Variants in SPTLC3 observed in about 807,000 individuals in gnomAD.
The protein encoded by SPTLC3 is serine palmitoyltransferase 3.
SPTLC3 carries 36 observed loss-of-function variants against 59.3 expected under a neutral mutation model. The ratio of observed to expected loss-of-function variants is 0.61; its 90% CI spans 0.47 to 0.80. The LOEUF is 0.80. SPTLC3 is among the 30% of genes least tolerant of loss of function. The probability of loss-of-function intolerance (pLI) is 0.00; values close to 1 mark genes in which losing one functional copy is unlikely to be tolerated. For synonymous variants in SPTLC3, 257 were observed against 240.8 expected (o/e 1.07, Z -0.62); for missense variants, 625 against 685.1 (o/e 0.91, Z 0.98).
Position 13,099,997 on chromosome 20 carries a change from T to C in SPTLC3, c.826+6420T>C, listed in dbSNP as rs915831353. On this transcript the variant is annotated intron_variant, in intron 6 of 11. Transcript: ENST00000399002. ...ATGCAACTCTAAACTTGTTCTGCTC[T>C]CACAGACTGTCCTCTGCTTCATGTC... Among the ~76,000 whole-genome samples, 5 of 152,352 alleles carry C rather than the reference T, an allele frequency of 3.3e-5. No individual in the cohort carries two copies. In the South Asian group the frequency reaches 1.0e-3, roughly 32 times the overall value.
chr20:13,115,825 A>C (rs998689876), intron 7 of SPTLC3, among the ~76,000 whole-genome samples: 1 of 152,164 alleles, frequency 6.6e-6, no homozygotes, highest in African/African-American at 2.4e-5. Flanking sequence ...ATTGTTATAA[A>C]GACCCTGTGA....
At chr20:13,097,373 T>C (rs1488928906) in intron 6 of SPTLC3, among the ~76,000 whole-genome samples, 5 of 152,152 alleles carry the variant, frequency 3.3e-5, no homozygotes, top group African/African-American at 1.2e-4. Flanking sequence ...TACCATGCTG[T>C]TCCCCAGCTA....
At chr20:13,142,257 C>A (rs1451754632) in intron 9 of SPTLC3, among the ~76,000 whole-genome samples, 1 of 152,190 alleles carries the variant, frequency 6.6e-6, no homozygotes, top group Admixed American at 6.5e-5. Context: ...TCCTTCCAGC[C>A]GTCCCACAAA....
At chr20:13,020,387 C>T (rs369440953) in intron 1 of SPTLC3, among the ~76,000 whole-genome samples, 4 of 151,452 alleles carry the variant, frequency 2.6e-5, no homozygotes, top group South Asian at 2.1e-4. Flanking sequence ...ATTAGCTGGA[C>T]GTGGTGGCAT....
At chr20:13,089,649 G>T (rs1989140324) in intron 4 of SPTLC3, among the ~76,000 whole-genome samples, 1 of 152,032 alleles carries the variant, frequency 6.6e-6, no homozygotes, top group Non-Finnish European at 1.5e-5. Context: ...AGCTGGGCAT[G>T]GGGGCATGCA....
chr20:13,112,137 GTGGGTTGTGTGGACCAAC>G (rs1438986732), intron 7 of SPTLC3, among the ~76,000 whole-genome samples: 1 of 152,214 alleles, frequency 6.6e-6, no homozygotes, highest in African/African-American at 2.4e-5. Flanking sequence ...CCACGCTACC[GTGGGTTGTGTGGACCAAC>G]TGGGCAGTTC....
intron 9 of SPTLC3, among the ~76,000 whole-genome samples, chr20:13,149,607 C>T (rs2122933809): frequency 6.6e-6 from 1 of 152,342 alleles, no homozygotes; most frequent in African/African-American, 2.4e-5. Context: ...GCGTGGCAAC[C>T]ACAAAGTGTG....
At chr20:13,154,401 G>C (rs1162989136) in intron 10 of SPTLC3, among the ~76,000 whole-genome samples, 1 of 152,106 alleles carries the variant, frequency 6.6e-6, no homozygotes, top group Non-Finnish European at 1.5e-5. Context: ...ATCTCCCTCA[G>C]CCTCACCTGT....
intron 4 of SPTLC3, among the ~76,000 whole-genome samples, chr20:13,088,744 A>C (rs1030841649): frequency 2.7e-4 from 40 of 149,412 alleles, no homozygotes; most frequent in African/African-American, 9.1e-4. Flanking sequence ...TCAGCCTCCC[A>C]AGTAGATGGG....
intron 1 of SPTLC3, among the ~76,000 whole-genome samples, chr20:13,034,682 C>T (rs192355002): frequency 1.1e-4 from 17 of 152,004 alleles, no homozygotes; most frequent in South Asian, 2.1e-4. Context: ...TTTAACCCAA[C>T]GAGAAACTTT....
intron 1 of SPTLC3, among the ~76,000 whole-genome samples, chr20:13,025,886 C>T (rs989300059): frequency 4.6e-5 from 7 of 152,162 alleles, no homozygotes; most frequent in Non-Finnish European, 5.9e-5. Context: ...TCCTCCCACC[C>T]TCCACCCTCC....
At chr20:13,061,198 T>C (rs1222266389) in intron 2 of SPTLC3, among the ~76,000 whole-genome samples, 3 of 152,132 alleles carry the variant, frequency 2.0e-5, no homozygotes, top group Admixed American at 6.6e-5. Context: ...GGAAGAGACA[T>C]GGGGGTGCAT....
At chr20:13,020,575 A>G (rs1180724648) in intron 1 of SPTLC3, among the ~76,000 whole-genome samples, 1 of 152,116 alleles carries the variant, frequency 6.6e-6, no homozygotes, top group Non-Finnish European at 1.5e-5. Flanking sequence ...TACATAATAT[A>G]TTAATATTTA....
chr20:13,155,295 T>G (rs146713967), intron 10 of SPTLC3, among the ~76,000 whole-genome samples: 2 of 152,280 alleles, frequency 1.3e-5, no homozygotes, highest in African/African-American at 4.8e-5. Context: ...CGCATCAGAT[T>G]CTAGAGGTCC....
chr20:13,044,273 G>T (rs1422378453), intron 1 of SPTLC3, among the ~76,000 whole-genome samples: 1 of 151,724 alleles, frequency 6.6e-6, no homozygotes, highest in Non-Finnish European at 1.5e-5. Context: ...GCTAATTTTT[G>T]TATTTTTTAG....
intron 6 of SPTLC3, among the ~76,000 whole-genome samples, chr20:13,103,314 C>A (rs1047083352): frequency 2.6e-5 from 4 of 152,164 alleles, no homozygotes; most frequent in Non-Finnish European, 5.9e-5. Context: ...AGAATAATTT[C>A]TTTGTCATCA....
At chr20:13,083,602 A>G (rs969127166) in intron 4 of SPTLC3, among the ~76,000 whole-genome samples, 3 of 152,196 alleles carry the variant, frequency 2.0e-5, no homozygotes, top group African/African-American at 7.2e-5. Context: ...AAGTCTCAAT[A>G]ACTTTCCCAA....
chr20:13,104,284 T>G (rs1301148107), intron 6 of SPTLC3, among the ~76,000 whole-genome samples: 2 of 152,170 alleles, frequency 1.3e-5, no homozygotes, highest in Non-Finnish European at 2.9e-5. Flanking sequence ...CTCCCATAAT[T>G]CCCATGTGTT....
At chr20:13,027,793 T>G (rs965815711) in intron 1 of SPTLC3, among the ~76,000 whole-genome samples, 3 of 152,186 alleles carry the variant, frequency 2.0e-5, no homozygotes, top group Admixed American at 1.3e-4. Context: ...ATAATACTGA[T>G]TTCTACCTAA....
Sources: allele counts gnomAD v4.1 joint callset (sites outside exome capture counted in the v4.1 genomes callset), GRCh38; gene constraint gnomAD v4.1.1; transcripts MANE v1.5; gene names NCBI Gene and HGNC (gene_info 2026-07-23, HGNC 2026-07-21).